Variants in CPNE4 observed in about 807,000 individuals in gnomAD.
CPNE4 encodes copine-4.
In CPNE4, 25 loss-of-function variants were observed where a neutral mutation model predicts 67.9. That is an observed-to-expected ratio of 0.37 (90% CI 0.27 to 0.51). The LOEUF is 0.51. Among genes scored for constraint, CPNE4 ranks in the 20% least tolerant of loss-of-function variants. CPNE4 has a pLI of 0.93. For synonymous variants in CPNE4, 242 were observed against 244.9 expected, an observed-to-expected ratio of 0.99 and a Z score of 0.11; for missense variants, 464 against 690.8, an observed-to-expected ratio of 0.67 and a Z score of 3.68.
At chr3:131,712,438 T>G (rs1162426706) in intron 3 of CPNE4, among the ~76,000 whole-genome samples, 1 of 152,238 alleles carries the variant, frequency 6.6e-6, no homozygotes, top group African/African-American at 2.4e-5. Flanking sequence ...AGCTTTTTAA[T>G]GGCTACATTT....
At chr3:131,923,704 CAAAAAA>C (rs3041574) in intron 1 of CPNE4, among the ~76,000 whole-genome samples, 6 of 39,288 alleles carry the variant, frequency 1.5e-4, no homozygotes, top group African/African-American at 3.7e-4. Context: ...GACTCCGTCT[CAAAAAA>C]AAAAAAAAAA....
At chr3:131,657,244 G>C (rs1331794127) in intron 7 of CPNE4, among the ~76,000 whole-genome samples, 1 of 152,106 alleles carries the variant, frequency 6.6e-6, no homozygotes, top group African/African-American at 2.4e-5. Flanking sequence ...TGCCCCTAAA[G>C]ACATTAATTA....
At chr3:131,958,625 T>C (rs143534917) in intron 1 of CPNE4, among the ~76,000 whole-genome samples, 53,882 of 120,038 alleles carry the variant, frequency 0.45, 12,149 homozygotes, top group East Asian at 0.64. Flanking sequence ...TTTTTTTTTT[T>C]TTTTTTTTTT....
At chr3:132,038,917 T>C (rs2074374956), upstream of CPNE4, among the ~76,000 whole-genome samples, 1 of 152,216 alleles carries the variant, frequency 6.6e-6, no homozygotes, top group Admixed American at 6.5e-5. Context: ...CCAGCTTTTC[T>C]TGCAGATGGG....
chr3:131,583,046 A>G (rs1937945496), intron 8 of CPNE4, among the ~76,000 whole-genome samples: 1 of 152,224 alleles, frequency 6.6e-6, no homozygotes, highest in African/African-American at 2.4e-5. Flanking sequence ...GGGCAACTAC[A>G]TAGGATTTGG....
At chr3:131,551,679 C>A (rs193035075) in intron 13 of CPNE4, among the ~76,000 whole-genome samples, 50 of 152,112 alleles carry the variant, frequency 3.3e-4, no homozygotes, top group Non-Finnish European at 6.6e-4. Context: ...TCTACTGGAT[C>A]TGAATTAATC....
At chr3:131,650,576 T>C (rs2079785765) in intron 7 of CPNE4, among the ~76,000 whole-genome samples, 1 of 150,032 alleles carries the variant, frequency 6.7e-6, no homozygotes, top group East Asian at 1.9e-4. Context: ...AAACCCCGTC[T>C]CTACTAAAAA....
At chr3:131,590,857 C>T (rs903859540) in intron 7 of CPNE4, among the ~76,000 whole-genome samples, 1 of 152,194 alleles carries the variant, frequency 6.6e-6, no homozygotes, top group Non-Finnish European at 1.5e-5. Context: ...AAAGGCTTAG[C>T]TCATTCTGCT....
At chr3:131,824,850 C>A (rs1003215540) in intron 2 of CPNE4, among the ~76,000 whole-genome samples, 5 of 151,926 alleles carry the variant, frequency 3.3e-5, no homozygotes, top group Non-Finnish European at 4.4e-5. Flanking sequence ...AATTGGGGAG[C>A]AGGAAGCAAA....
intron 11 of CPNE4, among the ~76,000 whole-genome samples, chr3:131,562,268 G>C (rs1308147138): frequency 6.6e-6 from 1 of 151,996 alleles, no homozygotes; most frequent in Non-Finnish European, 1.5e-5. Flanking sequence ...TTTTGCATGT[G>C]AGGCGATCAG....
At chr3:131,775,396 A>C (rs2107841530) in intron 2 of CPNE4, among the ~76,000 whole-genome samples, 1 of 152,258 alleles carries the variant, frequency 6.6e-6, no homozygotes, top group South Asian at 2.1e-4. Context: ...AATGTCCAAA[A>C]GATGCTAGAG....
chr3:132,028,388 C>T (rs930035796), intron 1 of CPNE4, among the ~76,000 whole-genome samples: 2 of 152,184 alleles, frequency 1.3e-5, no homozygotes, highest in Non-Finnish European at 2.9e-5. Context: ...TTTCTTTTCA[C>T]CAGTCTGCCT....
chr3:131,603,875 A>G (rs1939350993), intron 7 of CPNE4, among the ~76,000 whole-genome samples: 1 of 152,190 alleles, frequency 6.6e-6, no homozygotes, highest in Admixed American at 6.5e-5. Context: ...CCTTTTTAAG[A>G]TAGGATTCTT....
chr3:131,944,364 T>C (rs1035506269), intron 1 of CPNE4, among the ~76,000 whole-genome samples: 2 of 152,078 alleles, frequency 1.3e-5, no homozygotes, highest in African/African-American at 2.4e-5. Flanking sequence ...AGTTCTTAAA[T>C]AACATCCAGA....
chr3:131,643,913 C>T (rs2079599019), intron 7 of CPNE4, among the ~76,000 whole-genome samples: 1 of 152,140 alleles, frequency 6.6e-6, no homozygotes. Flanking sequence ...GCCTCCCCAG[C>T]CCTGCAGAAC....
At chr3:131,806,276 C>T (rs1357173185) in intron 2 of CPNE4, among the ~76,000 whole-genome samples, 7 of 152,268 alleles carry the variant, frequency 4.6e-5, no homozygotes, top group East Asian at 1.9e-4. Flanking sequence ...ATTGGCCAGG[C>T]GCGGTGGCTC....
intron 7 of CPNE4, among the ~76,000 whole-genome samples, chr3:131,606,069 G>C (rs891984833): frequency 1.3e-5 from 2 of 152,094 alleles, no homozygotes; most frequent in East Asian, 1.9e-4. Flanking sequence ...TTGATGCCTG[G>C]AGGCAACCTT....
intron 2 of CPNE4, among the ~76,000 whole-genome samples, chr3:131,832,020 A>G (rs1465928629): frequency 1.3e-5 from 2 of 152,186 alleles, no homozygotes; most frequent in African/African-American, 4.8e-5. Flanking sequence ...TTTTAGTTTT[A>G]ATGACCAAAA....
chr3:131,875,158 A>C (rs941928591), intron 2 of CPNE4, among the ~76,000 whole-genome samples: 1 of 152,330 alleles, frequency 6.6e-6, no homozygotes, highest in Admixed American at 6.5e-5. Flanking sequence ...TCTGAAATCC[A>C]TGAGTTTTCT....
Sources: gnomAD v4.1 joint callset for allele counts (sites outside exome capture counted in the v4.1 genomes callset) on GRCh38, gnomAD v4.1.1 for gene constraint, MANE v1.5 for transcripts, NCBI Gene and HGNC (gene_info 2026-07-23, HGNC 2026-07-21) for gene names.